Variants in CYFIP1 observed in about 807,000 individuals in gnomAD.
The protein encoded by CYFIP1 is cytoplasmic FMR1-interacting protein 1.
CYFIP1 carries 58 observed loss-of-function variants against 163.5 expected under a neutral mutation model. The ratio of observed to expected loss-of-function variants is 0.35; its 90% CI spans 0.29 to 0.44. The LOEUF is 0.44. Ranked by LOEUF, CYFIP1 falls within the 20% of genes least tolerant of loss-of-function variation. The pLI, the probability that CYFIP1 is intolerant of heterozygous loss-of-function variation, is 1.00. For missense variants in CYFIP1, 1,338 were observed against 1,653.8 expected (o/e 0.81, Z 3.31); for synonymous variants, 663 against 660.7 (o/e 1.00, Z -0.05).
chr15:22,932,114 T>A (rs926156432), intron 11 of CYFIP1, 109 bp downstream of exon 11: 14 of 711,564 alleles, frequency 2.0e-5, no homozygotes, highest in Non-Finnish European at 2.8e-5. Flanking sequence ...TGACATATGA[T>A]CGTATCTGGT....
intron 15 of CYFIP1, 136 bp from the exon 16 acceptor site, chr15:22,916,766 G>A: frequency 6.2e-7 from 1 of 1,604,386 alleles, no homozygotes; most frequent in Non-Finnish European, 8.5e-7. Flanking sequence ...GCTCCCCGAG[G>A]GGTCCGGGTG....
rs74003075 is a variant in CYFIP1 at position 22,903,786 on chromosome 15, G to A, written c.2508C>T (p.Tyr836=). The change falls in exon 22 of 31, where the codon TAC becomes TAT. Residue 836 remains tyrosine, a synonymous_variant. Transcript: ENST00000617928. ...AGAAGACGTGCAGGGTGATCCTCCCGTAGGGCGCTGACACGTTGTGGTTGG... is the reference window on the plus strand; with the variant it reads ...AGAAGACGTGCAGGGTGATCCTCCCATAGGGCGCTGACACGTTGTGGTTGG... ...REANHNVSAP[Y]GRITLHVFWE... 2,262 of 1,614,202 alleles carry A rather than the reference G, an allele frequency of 1.4e-3. 28 individuals are homozygous for A. In the African/African-American group the frequency reaches 0.026, roughly 18 times the overall value.
chr15:22,937,082 G>A (rs754317182), intron 9 of CYFIP1, 22 bp downstream of exon 9: 1 of 1,474,682 alleles, frequency 6.8e-7, no homozygotes. Flanking sequence ...TAAAAACATT[G>A]ATCTAAAAAC....
chr15:22,923,627 C>T (rs1358151892), intron 13 of CYFIP1, among the ~76,000 whole-genome samples: 2 of 151,888 alleles, frequency 1.3e-5, no homozygotes, highest in East Asian at 3.9e-4. Context: ...TGAAAACCAG[C>T]ATCTACACAA....
At chr15:22,873,020 G>A in intron 29 of CYFIP1, 48 bp from the exon 30 acceptor site, 4 of 1,600,316 alleles carry the variant, frequency 2.5e-6, no homozygotes, top group Non-Finnish European at 3.4e-6. Flanking sequence ...GATACGTTAT[G>A]AAGTCTTTTC....
Position 22,918,828 on chromosome 15 carries a change from G to C in CYFIP1, c.1390C>G (p.Leu464Val), listed in dbSNP as rs764558688. 2.5e-6 allele frequency: 4 copies of C among 1,611,276 alleles called. No individual in the cohort carries two copies. The East Asian group carries it at 8.9e-5, about 36-fold the overall frequency. The change falls in exon 14 of 31, where the codon CTG (leucine) becomes GTG (valine). Residue 464 changes from leucine to valine, a missense_variant. This residue lies in a region of CYFIP1 where 824 missense variants were observed against 995.7 expected (regional missense o/e 0.83). Transcript: ENST00000617928. The part of the protein sequence containing the change: ...VIAMIKGLQV[L>V]MGRMESVFNH... ...AACACGCTCTCCATCCTGCCCATCA[G>C]CACCTGCAGGCCTTTGATCATGGCG... is the stretch of plus-strand genomic sequence containing the variant.
Position 22,920,447 on chromosome 15 carries a change from C to G in CYFIP1, c.1360-1589G>C, listed in dbSNP as rs2061137176. On this transcript the variant is annotated intron_variant, in intron 13 of 30. Coordinates refer to ENST00000617928, the MANE Select transcript of CYFIP1 (RefSeq NM_014608.6). ...CTATCACTTTCTGGTTTTATTCACA[C>G]CTTTTGAGTTCCTCATTATGGCTTT... 2.0e-5 allele frequency among the ~76,000 whole-genome samples: 3 copies of G among 152,144 alleles called. No individual in the cohort carries two copies. In the South Asian group the frequency reaches 6.2e-4, roughly 31 times the overall value.
At chr15:22,942,304 C>G (rs2061914071) in intron 6 of CYFIP1, among the ~76,000 whole-genome samples, 1 of 152,144 alleles carries the variant, frequency 6.6e-6, no homozygotes, top group African/African-American at 2.4e-5. Flanking sequence ...AAGGTCTCTT[C>G]GAATTTAATT....
At chr15:22,937,325 A>G (rs1027076108) in intron 8 of CYFIP1, 117 bp from the exon 9 acceptor site, 2 of 661,154 alleles carry the variant, frequency 3.0e-6, no homozygotes, top group African/African-American at 3.6e-5. Context: ...AATAGATCAC[A>G]AAGATCTATC....
chr15:22,909,391 C>G, intron 20 of CYFIP1, 78 bp from the exon 21 acceptor site: 2 of 1,567,644 alleles, frequency 1.3e-6, no homozygotes, highest in Middle Eastern at 1.7e-4. Context: ...CACCAGAGAC[C>G]CTGGAGAAGC....
intron 8 of CYFIP1, 92 bp from the exon 9 acceptor site, chr15:22,937,300 G>A: frequency 1.3e-6 from 1 of 745,216 alleles, no homozygotes; most frequent in Non-Finnish European, 2.4e-6. Context: ...TGATGACTTT[G>A]AAGGCACAAT....
intron 11 of CYFIP1, 143 bp from the exon 12 acceptor site, chr15:22,928,171 G>T: frequency 9.6e-7 from 1 of 1,037,714 alleles, no homozygotes; most frequent in Non-Finnish European, 1.3e-6. Flanking sequence ...GGATCACAAG[G>T]TCGGGAGATC....
chr15:22,917,479 C>G lies in CYFIP1; in HGVS notation c.1674+309G>C. Reference sequence around the variant, plus strand: ...TAAAAATTATACAGACATTCAAACACCCATCAAGAAACACAGAATGAATAC... The same window carrying G: ...TAAAAATTATACAGACATTCAAACAGCCATCAAGAAACACAGAATGAATAC... On this transcript the variant is annotated intron_variant, in intron 15 of 30. Transcript: ENST00000617928. This position sits in a 1 kb window ranked among gnomAD's most constrained non-coding sequence, Gnocchi z 4.2. The G allele has an allele frequency of 1.9e-6, 1 of 529,770 alleles. No individual in the cohort carries two copies. Among genetic ancestry groups the G allele is most frequent in the Non-Finnish European group, 3.1e-6 (1 of 317,516 alleles). 32.8% of individuals were successfully genotyped at this position (529,770 alleles called of 1,614,324 possible).
At chr15:22,910,885 A>G (rs909283765) in intron 18 of CYFIP1, 72 bp from the exon 19 acceptor site, 2 of 1,348,320 alleles carry the variant, frequency 1.5e-6, no homozygotes, top group African/African-American at 2.9e-5. Flanking sequence ...TGAAAAACAA[A>G]ATGTTTCGTT....
At chr15:22,980,038 G>C (rs912819430) in intron 1 of CYFIP1, among the ~76,000 whole-genome samples, 1 of 151,898 alleles carries the variant, frequency 6.6e-6, no homozygotes, top group Non-Finnish European at 1.5e-5. Flanking sequence ...CGCAGGGACC[G>C]GGAAGCCAGT....
At chr15:22,947,312 C>T (rs1400930729) in intron 1 of CYFIP1, 21 bp from the exon 2 acceptor site, 5 of 1,607,436 alleles carry the variant, frequency 3.1e-6, no homozygotes, top group Non-Finnish European at 4.3e-6. Flanking sequence ...ACATAAGGAC[C>T]CCTGTTCTGT....
chr15:22,937,515 G>A lies in CYFIP1; in HGVS notation c.796-307C>T, dbSNP rs142017209. ...ACTAAGCTGGTGCAAAAGTAATTGC[G>A]TTTTTTTTGCCATTAAAAGTAATGT... On this transcript the variant is annotated intron_variant, in intron 8 of 30. Coordinates refer to ENST00000617928, the MANE Select transcript of CYFIP1 (RefSeq NM_014608.6). Among the ~76,000 whole-genome samples the A allele has an allele frequency of 1.5e-4, 23 of 151,518 alleles. No individual in the cohort carries two copies. The South Asian group carries it at 4.4e-3, about 29-fold the overall frequency.
In CYFIP1 at chr15:22,872,952, A is replaced by C. The variant is rs1203179414; in HGVS notation, c.3470T>G (p.Leu1157Arg). The C allele has an allele frequency of 6.2e-7, 1 of 1,614,044 alleles. No homozygotes were observed. ...GATGATCATACAGCCAGCCCAGTGTAGCCCATCACCAAAGCACTGCCTAGG... is the reference window on the plus strand; with the variant it reads ...GATGATCATACAGCCAGCCCAGTGTCGCCCATCACCAAAGCACTGCCTAGG... ...FTVEQCFGDG[L>R]HWAGCMIIVL... The change falls in exon 30 of 31, where the codon CTA (leucine) becomes CGA (arginine). Residue 1157 changes from leucine (L) to arginine (R), a missense_variant. Transcript: ENST00000617928.
chr15:22,916,660 G>A, intron 15 of CYFIP1, 30 bp from the exon 16 acceptor site: 2 of 1,614,120 alleles, frequency 1.2e-6, no homozygotes, highest in Non-Finnish European at 1.7e-6. Context: ...ATTTGTGGGG[G>A]AGAAAATATA....
Sources: gnomAD v4.1 joint callset for allele counts (sites outside exome capture counted in the v4.1 genomes callset) on GRCh38, gnomAD v4.1.1 for gene constraint, gnomAD v4.1.1 regional missense constraint, Gnocchi (gnomAD v3.1) non-coding constraint, MANE v1.5 for transcripts, NCBI Gene and HGNC (gene_info 2026-07-23, HGNC 2026-07-21) for gene names.